Variants in API5 observed in about 807,000 individuals in gnomAD.
The protein encoded by API5 is apoptosis inhibitor 5, also known as FIF.
A neutral mutation model predicts 71.9 loss-of-function variants in API5; 6 were observed. The observed-to-expected ratio is 0.08, with a 90% CI of 0.05 to 0.16. The LOEUF is 0.16. API5 is among the 10% of genes least tolerant of loss of function. The probability of loss-of-function intolerance (pLI) is 1.00; values close to 1 mark genes in which losing one functional copy is unlikely to be tolerated. For synonymous variants in API5, 189 were observed against 221.3 expected (o/e 0.85, Z 1.30); for missense variants, 332 against 612.8 (o/e 0.54, Z 4.84).
At chr11:43,339,644 C>T (rs902484448) in intron 13 of API5, among the ~76,000 whole-genome samples, 4 of 152,070 alleles carry the variant, frequency 2.6e-5, no homozygotes, top group African/African-American at 4.8e-5. Context: ...CACACTCAGA[C>T]GCACATACAC....
intron 7 of API5, 35 bp from the exon 8 acceptor site, chr11:43,327,754 T>A (rs1855121270): frequency 6.7e-7 from 1 of 1,486,480 alleles, no homozygotes; most frequent in African/African-American, 1.4e-5. Context: ...CCTTGCTTAT[T>A]CAAAAAAACA....
chr11:43,342,336 G>C lies in API5; in HGVS notation c.1493-92G>C, dbSNP rs1855645773. 6 of 1,014,550 alleles carry C rather than the reference G, an allele frequency of 5.9e-6. No individual in the cohort carries two copies. The Admixed American group carries it at 1.4e-4, about 23-fold the overall frequency. The allele number at this position is 1,014,550 out of a possible 1,614,324, so 62.8% of individuals were successfully genotyped here. A position where few individuals can be genotyped will look rare whatever the true frequency, so the allele number is the denominator to read the frequency against. On this transcript the variant is annotated intron_variant, in intron 13 of 13. Transcript: ENST00000531273. The stretch of plus-strand genomic sequence containing the variant: ...TAGTTCTGTTCTTATAGGGCCTACT[G>C]CTGTATTCAGAGTTATGAGCTACGT...
Position 43,343,896 on chromosome 11 carries a change from G to A in API5, c.*1386G>A, listed in dbSNP as rs556591044. 3.9e-5 allele frequency: 6 copies of A among 152,694 alleles called. No homozygotes were observed. The highest frequency in any genetic ancestry group is 1.4e-4 in the African/African-American group (6 of 41,556). 9.5% of individuals were successfully genotyped at this position (152,694 alleles called of 1,614,324 possible). ...CTGAGGAATAGTTTGTGATTCCAAT[G>A]CAGGTGTCTTCATTACCATTACCTC... On this transcript the variant is annotated 3_prime_UTR_variant, in exon 14 of 14. Transcript: ENST00000531273.
intron 5 of API5, among the ~76,000 whole-genome samples, chr11:43,323,064 A>G (rs1854947874): frequency 6.6e-6 from 1 of 151,238 alleles, no homozygotes; most frequent in East Asian, 1.9e-4. Context: ...TTTTCCAACC[A>G]TTTTTTAAAG....
intron 1 of API5, among the ~76,000 whole-genome samples, chr11:43,316,598 T>A (rs1277310081): frequency 2.0e-5 from 3 of 152,198 alleles, no homozygotes; most frequent in Non-Finnish European, 2.9e-5. Context: ...TTTCTTTTTT[T>A]AATGTTTGCG....
chr11:43,324,153 T>C (rs1418376963), intron 6 of API5, among the ~76,000 whole-genome samples: 1 of 152,098 alleles, frequency 6.6e-6, no homozygotes, highest in Non-Finnish European at 1.5e-5. Context: ...AAGTAGCTGC[T>C]ACTACAGTCA....
chr11:43,339,439 C>G (rs929259419), intron 13 of API5: 1 of 152,148 alleles, frequency 6.6e-6, no homozygotes, highest in Non-Finnish European at 1.5e-5. Flanking sequence ...GAGATTTGAT[C>G]TCATTTACAT....
intron 1 of API5, among the ~76,000 whole-genome samples, chr11:43,314,792 T>C (rs148155587): frequency 6.6e-6 from 1 of 152,348 alleles, no homozygotes; most frequent in African/African-American, 2.4e-5. Flanking sequence ...TGTTGGGTTA[T>C]ACTTCTCCCC....
rs1452106907 is a variant in API5, at chr11:43,321,442, T to G, written c.357T>G (p.Asn119Lys). The change falls in exon 4 of 14, where the codon AAT (asparagine) becomes AAG (lysine). Residue 119 changes from asparagine to lysine, a missense_variant. By Grantham distance (94) the Asn-to-Lys change is moderately conservative. Transcript: ENST00000531273. Reference protein sequence around the residue: ...DDSAEFNLVNNALLSIFKMDA... With the variant: ...DDSAEFNLVNKALLSIFKMDA... ...CTGCAGAATTTAACCTAGTGAACAA[T>G]GCCCTATTAAGTATATTTAAAATGG... 6.2e-7 allele frequency: 1 copy of G among 1,611,782 alleles called. No homozygotes were observed. The highest frequency in any genetic ancestry group is 1.1e-5 in the South Asian group (1 of 90,724).
chr11:43,329,930 A>G (rs763656002), intron 9 of API5, 35 bp from the exon 10 acceptor site: 10 of 1,582,038 alleles, frequency 6.3e-6, no homozygotes, highest in Non-Finnish European at 7.8e-6. Context: ...AATTGAAGTG[A>G]TGAATTGCTA....
chr11:43,341,394 G>C (rs542095464), intron 13 of API5, among the ~76,000 whole-genome samples: 4 of 152,280 alleles, frequency 2.6e-5, no homozygotes, highest in African/African-American at 9.6e-5. Context: ...TACACAATGG[G>C]ATACTATTCA....
chr11:43,342,303 C>T (rs886914390), intron 13 of API5, 125 bp from the exon 14 acceptor site: 1 of 750,420 alleles, frequency 1.3e-6, no homozygotes, highest in Non-Finnish European at 2.2e-6. Flanking sequence ...GATTGAATAG[C>T]AGAATATTAG....
At chr11:43,319,568 A>G (rs1405821041) in intron 2 of API5, among the ~76,000 whole-genome samples, 1 of 152,010 alleles carries the variant, frequency 6.6e-6, no homozygotes, top group Non-Finnish European at 1.5e-5. Flanking sequence ...AGCAGCACAG[A>G]CCACCGTTCC....
Position 43,323,619 on chromosome 11 carries a change from G to A in API5, c.733G>A (p.Ala245Thr). The change falls in exon 6 of 14, where the codon GCA (alanine) becomes ACA (threonine). Residue 245 changes from alanine to threonine, a missense_variant. This residue lies in a region of API5 where 168 missense variants were observed against 343.9 expected (regional missense o/e 0.49). Coordinates refer to ENST00000531273, the MANE Select transcript of API5 (RefSeq NM_001142930.2). ...VDRLLQCTRQ[A>T]VPLFSKNVHS... is the part of the protein sequence containing the mutation. ...CAGGCTCTTACAGTGCACTCGGCAGGCAGTACCCCTCTTCTCTGTGAGCTC... is the reference window on the plus strand; with the variant it reads ...CAGGCTCTTACAGTGCACTCGGCAGACAGTACCCCTCTTCTCTGTGAGCTC... The A allele has an allele frequency of 6.2e-7, 1 of 1,613,876 alleles. No homozygotes were observed. The highest frequency in any genetic ancestry group is 8.5e-7 in the Non-Finnish European group (1 of 1,179,868).
At chr11:43,313,413 G>A (rs1048355924) in intron 1 of API5, among the ~76,000 whole-genome samples, 4 of 152,160 alleles carry the variant, frequency 2.6e-5, no homozygotes, top group Non-Finnish European at 5.9e-5. Context: ...CTTGATCATT[G>A]TTTTAGAAAT....
At chr11:43,335,045 A>C (rs1347574135) in intron 11 of API5, among the ~76,000 whole-genome samples, 1 of 152,210 alleles carries the variant, frequency 6.6e-6, no homozygotes, top group Non-Finnish European at 1.5e-5. Context: ...TGAAATGTAT[A>C]CTGACATTTA....
At chr11:43,318,343 G>T in intron 1 of API5, 1 of 1,310,296 alleles carries the variant, frequency 7.6e-7, no homozygotes, top group South Asian at 1.3e-5. Flanking sequence ...ACAGTCACAT[G>T]GCCAGAGTTA....
intron 8 of API5, 85 bp downstream of exon 8, chr11:43,327,963 A>G (rs960268551): frequency 2.5e-6 from 2 of 797,550 alleles, no homozygotes; most frequent in Admixed American, 6.9e-5. Context: ...TACAAGAACC[A>G]GTTTTTGAAA....
At chr11:43,318,167 G>A (rs913779544) in intron 1 of API5, among the ~76,000 whole-genome samples, 3 of 152,076 alleles carry the variant, frequency 2.0e-5, no homozygotes, top group South Asian at 2.1e-4. Flanking sequence ...ACACCACCAC[G>A]CCTGGCTAAT....
Sources: gnomAD v4.1 joint callset for allele counts (sites outside exome capture counted in the v4.1 genomes callset) on GRCh38, gnomAD v4.1.1 for gene constraint, gnomAD v4.1.1 regional missense constraint, MANE v1.5 for transcripts, NCBI Gene and HGNC (gene_info 2026-07-23, HGNC 2026-07-21) for gene names.